EPG5: variants seen among roughly 807,000 people sequenced by gnomAD.
The protein encoded by EPG5 is ectopic P-granules 5 autophagy tethering factor, also known as ectopic P granules protein 5 homolog.
EPG5 carries 159 observed loss-of-function variants against 302.7 expected under a neutral mutation model. The observed-to-expected ratio is 0.53, with a 90% CI of 0.46 to 0.60. The LOEUF (loss-of-function observed/expected upper bound fraction) is 0.60, where lower values mean the gene tolerates loss of function less well. Among genes scored for constraint, EPG5 ranks in the 20% least tolerant of loss-of-function variants. The probability of loss-of-function intolerance (pLI) is 0.00; values close to 1 mark genes in which losing one functional copy is unlikely to be tolerated. For missense variants in EPG5, 2,896 were observed against 3,092.4 expected, an observed-to-expected ratio of 0.94 and a Z score of 1.51; for synonymous variants, 1,158 against 1,136.8, an observed-to-expected ratio of 1.02 and a Z score of -0.37.
chr18:45,931,886 T>C (rs972390136), intron 11 of EPG5, among the ~76,000 whole-genome samples: 65 of 151,088 alleles, frequency 4.3e-4, no homozygotes, highest in African/African-American at 1.5e-3. Context: ...TATATATATA[T>C]CCTTGATGGA....
At chr18:45,914,421 T>C (rs369475409) in intron 20 of EPG5, among the ~76,000 whole-genome samples, 1 of 152,106 alleles carries the variant, frequency 6.6e-6, no homozygotes, top group African/African-American at 2.4e-5. Context: ...AAATAAGAGG[T>C]TGAAGAACAT....
intron 31 of EPG5, among the ~76,000 whole-genome samples, chr18:45,881,544 A>C (rs958049311): frequency 1.3e-5 from 2 of 152,226 alleles, no homozygotes; most frequent in Non-Finnish European, 2.9e-5. Context: ...GGTATAAAGC[A>C]AAATTTCATT....
chr18:45,948,350 G>T (rs1157008899), intron 6 of EPG5, among the ~76,000 whole-genome samples, 153 bp downstream of exon 6: 1 of 152,176 alleles, frequency 6.6e-6, no homozygotes, highest in Non-Finnish European at 1.5e-5. Context: ...TTTGAAACAA[G>T]TATCAAACCC....
At position 45,949,080 on chromosome 18, in the gene EPG5, T is replaced by C. The variant is rs184800425; in HGVS notation, c.1497+404A>G. 4.3e-4 allele frequency among the ~76,000 whole-genome samples: 65 copies of C among 152,292 alleles called. No homozygotes were observed. The East Asian group carries it at 0.01, about 24-fold the overall frequency. On this transcript the variant is annotated intron_variant, in intron 5 of 43. Transcript: ENST00000282041. ...TATACAAGAGTTGATCACATAGACCTGAGATCTCTGCTAATATTAAAGAAC... is the reference window on the plus strand; with the variant it reads ...TATACAAGAGTTGATCACATAGACCCGAGATCTCTGCTAATATTAAAGAAC...
At chr18:45,827,708 T>C in the EPG5 span, among the ~76,000 whole-genome samples, 1 of 152,202 alleles carries the variant, frequency 6.6e-6, no homozygotes, top group African/African-American at 2.4e-5. Flanking sequence ...TGGCCCTCAG[T>C]GGCCGCACGA....
the EPG5 span, chr18:45,840,277 C>A: frequency 1.2e-6 from 2 of 1,603,506 alleles, no homozygotes; most frequent in Non-Finnish European, 8.5e-7. Context: ...TACCCTACCC[C>A]ACCCACCTAG....
chr18:45,829,068 G>T, the EPG5 span: 1 of 985,468 alleles, frequency 1.0e-6, no homozygotes, highest in Non-Finnish European at 1.2e-6. Flanking sequence ...GGCTGGGCAG[G>T]GGGTGGGGGC....
At chr18:45,855,142 C>T (rs2048488135) in intron 43 of EPG5, among the ~76,000 whole-genome samples, 2 of 152,146 alleles carry the variant, frequency 1.3e-5, no homozygotes, top group Admixed American at 1.3e-4. Context: ...CAATAGTCAA[C>T]CTTCAGACTC....
intron 10 of EPG5, among the ~76,000 whole-genome samples, chr18:45,939,275 T>C (rs2050608905): frequency 6.6e-6 from 1 of 152,206 alleles, no homozygotes; most frequent in South Asian, 2.1e-4. Context: ...CTGCAGGCAC[T>C]GCAGTGGGTA....
downstream of EPG5, chr18:45,847,514 G>A (rs957127817): frequency 2.6e-5 from 4 of 152,178 alleles, no homozygotes; most frequent in Admixed American, 6.5e-5. Flanking sequence ...TATCCATTAC[G>A]AAGTTTCTCA....
downstream of EPG5, chr18:45,843,653 T>C (rs534543): frequency 0.13 from 19,731 of 152,192 alleles, 3,266 homozygotes; most frequent in African/African-American, 0.39. Flanking sequence ...CCGAGGCAGG[T>C]GGATCACTTG....
the EPG5 span, among the ~76,000 whole-genome samples, chr18:45,812,306 T>C: frequency 3.3e-5 from 5 of 152,098 alleles, no homozygotes; most frequent in African/African-American, 1.2e-4. Flanking sequence ...TGCTCATGGG[T>C]AGGAAGAATC....
At chr18:45,829,138 C>T in the EPG5 span, 2 of 985,398 alleles carry the variant, frequency 2.0e-6, no homozygotes, top group Non-Finnish European at 2.4e-6. Context: ...TGGGCACAGG[C>T]CCCACAGCAG....
At chr18:45,852,720 AC>A in intron 43 of EPG5, 71 bp from the exon 44 acceptor site, 1 of 1,295,410 alleles carries the variant, frequency 7.7e-7, no homozygotes. Context: ...GGTACAGCAC[AC>A]CCATTATCAC....
In EPG5 at chr18:45,935,010, T is replaced by C. The variant is rs59200786; in HGVS notation, c.2100-44A>G. 1,659 of 1,554,410 alleles carry C rather than the reference T, an allele frequency of 1.1e-3. 19 individuals are homozygous for C. The African/African-American group carries it at 0.016, about 15-fold the overall frequency. On this transcript the variant is annotated intron_variant, in intron 10 of 43. Coordinates refer to ENST00000282041, the MANE Select transcript of EPG5 (RefSeq NM_020964.3). ...CATTTTATTTATTAATCAGCTTCAT[T>C]ACACTAAGAAAGTAGACAAACCATT...
the EPG5 span, among the ~76,000 whole-genome samples, chr18:45,812,131 A>G: frequency 6.6e-6 from 1 of 152,192 alleles, no homozygotes; most frequent in African/African-American, 2.4e-5. Context: ...TAACAGACAA[A>G]CAGAGAGCCA....
In EPG5 at chr18:45,858,727, G is replaced by A. The variant is rs551726903; in HGVS notation, c.7065C>T (p.Pro2355=). Residue 2355 remains proline, a synonymous_variant, in exon 41 of 44, where the codon CCC becomes CCT. Transcript: ENST00000282041. ...WGPILVSLQV[P]ELTMEEFLQE... is the part of the protein sequence containing the mutation. ...GCAGGAACTCTTCCATGGTGAGCTC[G>A]GGAACCTGAAGGGATACCAGAATGG... The A allele has an allele frequency of 5.0e-6, 8 of 1,614,036 alleles. No homozygotes were observed. The African/African-American group carries it at 9.3e-5, about 19-fold the overall frequency.
intron 15 of EPG5, 97 bp from the exon 16 acceptor site, chr18:45,922,697 A>T (rs530522082): frequency 5.8e-6 from 8 of 1,383,792 alleles, no homozygotes; most frequent in Middle Eastern, 2.5e-4. Flanking sequence ...AATGCCCTCA[A>T]CGCAGAGGAA....
intron 35 of EPG5, among the ~76,000 whole-genome samples, chr18:45,875,421 A>G (rs2048947634): frequency 2.6e-5 from 4 of 152,226 alleles, no homozygotes; most frequent in Admixed American, 2.6e-4. Flanking sequence ...TAGAATTTTA[A>G]ATGAAAGAAA....
Sources: gnomAD v4.1 joint callset for allele counts (sites outside exome capture counted in the v4.1 genomes callset) on GRCh38, gnomAD v4.1.1 for gene constraint, MANE v1.5 for transcripts, NCBI Gene and HGNC (gene_info 2026-07-23, HGNC 2026-07-21) for gene names.